The following CALHM5 variants were observed in gnomAD, a reference collection of about 807,000 sequenced individuals.
CALHM5 encodes the protein calcium homeostasis modulator family member 5.
A neutral mutation model predicts 20.9 loss-of-function variants in CALHM5; 17 were observed. The ratio of observed to expected loss-of-function variants is 0.82; its 90% CI spans 0.56 to 1.22. The LOEUF (loss-of-function observed/expected upper bound fraction) is 1.22. CALHM5 is among the 50% of genes most tolerant of loss of function. The probability of loss-of-function intolerance (pLI) is 0.00; values close to 1 mark genes in which losing one functional copy is unlikely to be tolerated. For synonymous variants in CALHM5, 148 were observed against 140.0 expected (o/e 1.06, Z -0.40); for missense variants, 360 against 364.6 (o/e 0.99, Z 0.10).
Position 116,515,768 on chromosome 6 carries a change from C to A in CALHM5, c.709C>A (p.Leu237Met), listed in dbSNP as rs370596480. 2 of 1,613,894 alleles carry A rather than the reference C, an allele frequency of 1.2e-6. No homozygotes were observed. The highest frequency in any genetic ancestry group is 1.3e-5 in the African/African-American group (1 of 74,908). ...ENTFLDYANK[L>M]SERNLKCFFE... ...TACATTTCTGGACTATGCCAACAAG[C>A]TGAGCGAGAGGAACCTGAAATGTTT... The change falls in exon 2 of 2, where the codon CTG becomes ATG. Residue 237 changes from leucine to methionine, a missense_variant. Coordinates refer to ENST00000368599, the MANE Select transcript of CALHM5 (RefSeq NM_153711.5).
chr6:116,512,363 A>T (rs929095478), intron 1 of CALHM5, 127 bp downstream of exon 1: 30 of 1,083,386 alleles, frequency 2.8e-5, no homozygotes, highest in Non-Finnish European at 3.8e-5. Flanking sequence ...CTGAAACATG[A>T]TGCAGCATTG....
Position 116,519,198 on chromosome 6 carries a change from T to C in CALHM5, c.*3209T>C, listed in dbSNP as rs996932505. ...GCTGCGCCTGACACAGGGAGCTGTG[T>C]ATACATGATTTATTAAAAGGAAATC... On this transcript the variant is annotated 3_prime_UTR_variant, in exon 2 of 2. Transcript: ENST00000368599. The C allele has an allele frequency of 6.6e-6, 1 of 152,196 alleles. No individual in the cohort carries two copies. The highest frequency in any genetic ancestry group is 2.4e-5 in the African/African-American group (1 of 41,448). 9.4% of individuals were successfully genotyped at this position (152,196 alleles called of 1,614,324 possible).
chr6:116,511,656 A>G lies in CALHM5; in HGVS notation c.-41A>G. ...CGGCCACTGCCACAGCTGCTCTGCC[A>G]ATAACAAAGGCACAGCATTTTCCCT... On this transcript the variant is annotated 5_prime_UTR_variant, in exon 1 of 2. Coordinates refer to ENST00000368599, the MANE Select transcript of CALHM5 (RefSeq NM_153711.5). The G allele has an allele frequency of 6.3e-7, 1 of 1,581,406 alleles. No homozygotes were observed.
chr6:116,513,986 C>T (rs541649419), intron 1 of CALHM5, among the ~76,000 whole-genome samples: 44 of 152,046 alleles, frequency 2.9e-4, no homozygotes, highest in Non-Finnish European at 4.3e-4. Flanking sequence ...GGAGAGTTGT[C>T]GGAAGATTTA....
At position 116,524,058 on chromosome 6, in the gene CALHM5, G is replaced by A. The variant is rs1006398242; in HGVS notation, c.*8069G>A. The A allele has an allele frequency of 6.6e-6, 1 of 152,148 alleles. No individual in the cohort carries two copies. Among genetic ancestry groups the A allele is most frequent in the Non-Finnish European group, 1.5e-5 (1 of 68,016 alleles). 9.4% of individuals were successfully genotyped at this position (152,148 alleles called of 1,614,324 possible). On this transcript the variant is annotated 3_prime_UTR_variant, in exon 2 of 2. Transcript: ENST00000368599. ...GAGAATTATTAATTTTGCTATGTGT[G>A]GTAATGGTGTGCCGATTTATGTTTT...
At chr6:116,515,449 G>A (rs982335362) in intron 1 of CALHM5, 151 bp from the exon 2 acceptor site, 2 of 885,040 alleles carry the variant, frequency 2.3e-6, no homozygotes, top group East Asian at 2.5e-5. Flanking sequence ...CAAAAAGTGA[G>A]TTTAAAGTGT....
Position 116,524,402 on chromosome 6 carries a change from C to T in CALHM5, c.*8413C>T, listed in dbSNP as rs1772406486. On this transcript the variant is annotated 3_prime_UTR_variant, in exon 2 of 2. Transcript: ENST00000368599. The stretch of plus-strand genomic sequence containing the variant: ...TTAGCTGGAGTTTACCTTCTAGTAT[C>T]ATTCTCAGCAAAGGCTCACAGGAAT... 6.6e-6 allele frequency: 1 copy of T among 152,192 alleles called. No individual in the cohort carries two copies. The highest frequency in any genetic ancestry group is 1.5e-5 in the Non-Finnish European group (1 of 68,020). The allele number at this position is 152,192 out of a possible 1,614,324, so 9.4% of individuals were successfully genotyped here.
In CALHM5 at chr6:116,524,696, C is replaced by A. The variant is rs1772412588; in HGVS notation, c.*8707C>A. On this transcript the variant is annotated 3_prime_UTR_variant, in exon 2 of 2. Transcript: ENST00000368599. ...ATGTTAAATAGGCCTTCAGGTAGGT[C>A]TTTTTGGAACGATTTTTCCTGCTAC... The A allele has an allele frequency of 6.6e-6, 1 of 151,976 alleles. No individual in the cohort carries two copies. Among genetic ancestry groups the A allele is most frequent in the South Asian group, 2.1e-4 (1 of 4,820 alleles). 9.4% of individuals were successfully genotyped at this position (151,976 alleles called of 1,614,324 possible). A position where few individuals can be genotyped will look rare whatever the true frequency, so the allele number is the denominator to read the frequency against.
At position 116,517,648 on chromosome 6, in the gene CALHM5, A is replaced by G. The variant is rs2115170601; in HGVS notation, c.*1659A>G. ...AAATATGTATTTGGTCTTTCTTCCT[A>G]TTCCTGGTGCAGAGCTCCTAAAACC... On this transcript the variant is annotated 3_prime_UTR_variant, in exon 2 of 2. Transcript: ENST00000368599. 1 of 152,264 alleles carries G rather than the reference A, an allele frequency of 6.6e-6. No homozygotes were observed. The highest frequency in any genetic ancestry group is 2.1e-4 in the South Asian group (1 of 4,826). The allele number at this position is 152,264 out of a possible 1,614,324, so 9.4% of individuals were successfully genotyped here.
rs1238803611 is a variant in CALHM5, at chr6:116,516,688, T to C, written c.*699T>C. ...ATATATATATATATATATATATATA[T>C]ATATATATATATATATATATACACA... is the stretch of plus-strand genomic sequence containing the variant. On this transcript the variant is annotated 3_prime_UTR_variant, in exon 2 of 2. Coordinates refer to ENST00000368599, the MANE Select transcript of CALHM5 (RefSeq NM_153711.5). The C allele has an allele frequency of 1.6e-5, 1 of 63,212 alleles. No homozygotes were observed. The highest frequency in any genetic ancestry group is 4.4e-5 in the Non-Finnish European group (1 of 22,726). 3.9% of individuals were successfully genotyped at this position (63,212 alleles called of 1,614,324 possible).
In CALHM5 at chr6:116,523,071, TG is replaced by T. The variant is rs1042620027; in HGVS notation, c.*7083del. On this transcript the variant is annotated 3_prime_UTR_variant, in exon 2 of 2. Transcript: ENST00000368599. ...TCTGCATTTCTAACAGGTTCTCAGG[TG>T]ATACTGATGCTGCTGGTCTAGGGAC... 1.3e-5 allele frequency: 2 copies of T among 151,754 alleles called. No homozygotes were observed. Among genetic ancestry groups the T allele is most frequent in the African/African-American group, 4.8e-5 (2 of 41,256 alleles). 9.4% of individuals were successfully genotyped at this position (151,754 alleles called of 1,614,324 possible). A position where few individuals can be genotyped will look rare whatever the true frequency, so the allele number is the denominator to read the frequency against.
rs1379960825 is a variant in CALHM5, at chr6:116,518,457, C to G, written c.*2468C>G. ...CTTTGGGAACTTGGAGGTGCAGGGT[C>G]AGACGTCTGTGTGTGTATGTGGCAG... On this transcript the variant is annotated 3_prime_UTR_variant, in exon 2 of 2. Transcript: ENST00000368599. 6.6e-6 allele frequency: 1 copy of G among 152,312 alleles called. No homozygotes were observed. Among genetic ancestry groups the G allele is most frequent in the Non-Finnish European group, 1.5e-5 (1 of 68,074 alleles). The allele number at this position is 152,312 out of a possible 1,614,324, so 9.4% of individuals were successfully genotyped here.
In CALHM5 at chr6:116,523,254, C is replaced by T. The variant is rs776095262; in HGVS notation, c.*7265C>T. ...GTGCCTTTCCATTCATTCAAGGATACCTTTCTATTCATTCAAGGATATATT... is the reference window on the plus strand; with the variant it reads ...GTGCCTTTCCATTCATTCAAGGATATCTTTCTATTCATTCAAGGATATATT... On this transcript the variant is annotated 3_prime_UTR_variant, in exon 2 of 2. Coordinates refer to ENST00000368599, the MANE Select transcript of CALHM5 (RefSeq NM_153711.5). 3.3e-5 allele frequency: 5 copies of T among 152,060 alleles called. No individual in the cohort carries two copies. The highest frequency in any genetic ancestry group is 5.9e-5 in the Non-Finnish European group (4 of 68,028). The allele number at this position is 152,060 out of a possible 1,614,324, so 9.4% of individuals were successfully genotyped here.
rs1418290508 is a variant in CALHM5 at position 116,523,491 on chromosome 6, CT to C, written c.*7506del. ...ACTAATTCTTTTATTGTTTGTAGGGCTTTTCAGAATTTGAAAGTAAACATTT... is the reference window on the plus strand; with the variant it reads ...ACTAATTCTTTTATTGTTTGTAGGGCTTTCAGAATTTGAAAGTAAACATTT... On this transcript the variant is annotated 3_prime_UTR_variant, in exon 2 of 2. Coordinates refer to ENST00000368599, the MANE Select transcript of CALHM5 (RefSeq NM_153711.5). 3 of 152,108 alleles carry C rather than the reference CT, an allele frequency of 2.0e-5. No individual in the cohort carries two copies. The highest frequency in any genetic ancestry group is 4.4e-5 in the Non-Finnish European group (3 of 68,006). 9.4% of individuals were successfully genotyped at this position (152,108 alleles called of 1,614,324 possible). A position where few individuals can be genotyped will look rare whatever the true frequency, so the allele number is the denominator to read the frequency against.
At position 116,516,764 on chromosome 6, in the gene CALHM5, G is replaced by A. The variant is rs942552962; in HGVS notation, c.*775G>A. 1.4e-5 allele frequency: 2 copies of A among 142,456 alleles called. No individual in the cohort carries two copies. The highest frequency in any genetic ancestry group is 1.5e-5 in the Non-Finnish European group (1 of 65,864). 8.8% of individuals were successfully genotyped at this position (142,456 alleles called of 1,614,324 possible). A position where few individuals can be genotyped will look rare whatever the true frequency, so the allele number is the denominator to read the frequency against. ...GCATTGATAAAAGGTGAATATATTAGCATTTTCTTCAACCTAAAAGTTTAT... is the reference window on the plus strand; with the variant it reads ...GCATTGATAAAAGGTGAATATATTAACATTTTCTTCAACCTAAAAGTTTAT... On this transcript the variant is annotated 3_prime_UTR_variant, in exon 2 of 2. Coordinates refer to ENST00000368599, the MANE Select transcript of CALHM5 (RefSeq NM_153711.5).
At position 116,515,589 on chromosome 6, in the gene CALHM5, T is replaced by C. The variant is rs1332053510; in HGVS notation, c.541-11T>C. On this transcript the variant is annotated splice_polypyrimidine_tract_variant and intron_variant, in intron 1 of 1. Coordinates refer to ENST00000368599, the MANE Select transcript of CALHM5 (RefSeq NM_153711.5). Reference sequence around the variant, plus strand: ...TTTCACGTGTGTACTCAATATTTCTTTCTTCTTAAGATTCTAGGATGGTGC... The same window carrying C: ...TTTCACGTGTGTACTCAATATTTCTCTCTTCTTAAGATTCTAGGATGGTGC... The C allele has an allele frequency of 6.3e-7, 1 of 1,595,732 alleles. No individual in the cohort carries two copies. The highest frequency in any genetic ancestry group is 8.5e-7 in the Non-Finnish European group (1 of 1,171,482).
rs1772264760 is a variant in CALHM5, at chr6:116,518,218, C to T, written c.*2229C>T. The T allele has an allele frequency of 6.6e-6, 1 of 152,062 alleles. No homozygotes were observed. 9.4% of individuals were successfully genotyped at this position (152,062 alleles called of 1,614,324 possible). ...GGAACCTACTGCTTGTGACTGGTGTCTGAAGTTGGGGGAGATCTTATGGGA... is the reference window on the plus strand; with the variant it reads ...GGAACCTACTGCTTGTGACTGGTGTTTGAAGTTGGGGGAGATCTTATGGGA... On this transcript the variant is annotated 3_prime_UTR_variant, in exon 2 of 2. Transcript: ENST00000368599.
At position 116,522,104 on chromosome 6, in the gene CALHM5, A is replaced by G. The variant is rs993400200; in HGVS notation, c.*6115A>G. The G allele has an allele frequency of 3.3e-5, 5 of 152,258 alleles. No homozygotes were observed. The highest frequency in any genetic ancestry group is 3.3e-4 in the Admixed American group (5 of 15,280). The allele number at this position is 152,258 out of a possible 1,614,324, so 9.4% of individuals were successfully genotyped here. On this transcript the variant is annotated 3_prime_UTR_variant, in exon 2 of 2. Transcript: ENST00000368599. ...AGCTTAGGGGTCAGGCATGTGAATG[A>G]AGGAGCCATTTTAAACATTCAGGCC...
chr6:116,512,199 A>G lies in CALHM5; in HGVS notation c.503A>G (p.Asn168Ser), dbSNP rs200759433. 1.2e-5 allele frequency: 19 copies of G among 1,606,834 alleles called. No homozygotes were observed. The highest frequency in any genetic ancestry group is 1.1e-5 in the South Asian group (1 of 91,066). ...CGKTSMLPTVNEELKLSLQAQ... is the reference protein window; with the variant it reads ...CGKTSMLPTVSEELKLSLQAQ... ...AAAACTAGCATGCTACCTACCGTCA[A>G]TGAAGAACTGAAACTCTCCCTTCAG... Residue 168 changes from asparagine (N) to serine (S), a missense_variant, in exon 1 of 2, where the codon AAT becomes AGT. Transcript: ENST00000368599.
Sources: allele counts gnomAD v4.1 joint callset (sites outside exome capture counted in the v4.1 genomes callset), GRCh38; gene constraint gnomAD v4.1.1; transcripts MANE v1.5; gene names NCBI Gene and HGNC (gene_info 2026-07-23, HGNC 2026-07-21).